The following DAB1 variants were observed in gnomAD, a reference collection of about 807,000 sequenced individuals.
The protein encoded by DAB1 is disabled homolog 1.
In DAB1, 15 loss-of-function variants were observed where a neutral mutation model predicts 64.6. The observed-to-expected ratio is 0.23, with a 90% CI of 0.16 to 0.36. The LOEUF (loss-of-function observed/expected upper bound fraction) is 0.36. Among genes scored for constraint, DAB1 ranks in the 10% least tolerant of loss-of-function variants. The pLI is 1.00. For synonymous variants in DAB1, 235 were observed against 251.9 expected, an observed-to-expected ratio of 0.93 and a Z score of 0.64; for missense variants, 596 against 706.7, an observed-to-expected ratio of 0.84 and a Z score of 1.78.
At chr1:58,368,802 G>T (rs555376995) in intron 3 of DAB1, among the ~76,000 whole-genome samples, 6 of 152,202 alleles carry the variant, frequency 3.9e-5, no homozygotes, top group African/African-American at 1.4e-4. Context: ...CCACACATGG[G>T]ACAAGCAGAA....
At chr1:57,100,889 A>T (rs1159685387) in intron 4 of DAB1, among the ~76,000 whole-genome samples, 1 of 152,204 alleles carries the variant, frequency 6.6e-6, no homozygotes, top group East Asian at 1.9e-4. Context: ...AAGGTAAATC[A>T]TGAATAATAA....
chr1:57,070,687 T>G, intron 7 of DAB1: 1 of 268,976 alleles, frequency 3.7e-6, no homozygotes, highest in Non-Finnish European at 7.1e-6. Flanking sequence ...AGCCACCTCA[T>G]TATTCATATT....
At chr1:58,221,694 C>T (rs934861703) in intron 4 of DAB1, among the ~76,000 whole-genome samples, 6 of 152,240 alleles carry the variant, frequency 3.9e-5, no homozygotes, top group Non-Finnish European at 8.8e-5. Context: ...CCGAAGGTCA[C>T]TGGCATAGTG....
At chr1:56,998,268 T>C (rs1339855039) in intron 14 of DAB1, 140 bp from the exon 15 acceptor site, 1 of 152,660 alleles carries the variant, frequency 6.6e-6, no homozygotes, top group Non-Finnish European at 1.5e-5. Context: ...TTTGGAGTAT[T>C]TGATCAGGGT....
chr1:57,353,112 CAT>C (rs1678727034), intron 1 of DAB1, among the ~76,000 whole-genome samples: 1 of 85,244 alleles, frequency 1.2e-5, no homozygotes, highest in African/African-American at 5.1e-5. Context: ...TATTTTTTTC[CAT>C]ACACACACAC....
chr1:57,559,443 G>A (rs987553689), intron 7 of DAB1, among the ~76,000 whole-genome samples: 9 of 152,244 alleles, frequency 5.9e-5, no homozygotes, highest in South Asian at 2.1e-4. Flanking sequence ...CATCCTTCCC[G>A]AAGGGGACCT....
chr1:58,231,800 G>C (rs2100353010), intron 4 of DAB1, among the ~76,000 whole-genome samples: 1 of 152,328 alleles, frequency 6.6e-6, no homozygotes, highest in South Asian at 2.1e-4. Context: ...GACAGTTGGA[G>C]TATAGTCTCC....
At chr1:57,243,182 T>C (rs1013901654) in intron 2 of DAB1, among the ~76,000 whole-genome samples, 1 of 152,204 alleles carries the variant, frequency 6.6e-6, no homozygotes, top group African/African-American at 2.4e-5. Context: ...TCAGCCATGA[T>C]GGATCAATAC....
chr1:57,225,069 A>C (rs969064212), intron 2 of DAB1, among the ~76,000 whole-genome samples: 2 of 152,144 alleles, frequency 1.3e-5, no homozygotes, highest in Non-Finnish European at 1.5e-5. Flanking sequence ...CACCCACCCA[A>C]GATCTTGCCA....
intron 6 of DAB1, among the ~76,000 whole-genome samples, chr1:57,807,863 A>G (rs1651438455): frequency 6.6e-6 from 1 of 152,002 alleles, no homozygotes; most frequent in Non-Finnish European, 1.5e-5. Flanking sequence ...ATAATAATCC[A>G]TTTCCACTTA....
At chr1:57,295,747 G>A (rs1175514781) in intron 1 of DAB1, among the ~76,000 whole-genome samples, 1 of 152,060 alleles carries the variant, frequency 6.6e-6, no homozygotes, top group African/African-American at 2.4e-5. Context: ...AGGGTAAAAG[G>A]GTTATGGCAG....
chr1:57,661,051 G>T (rs1383763571), intron 6 of DAB1, among the ~76,000 whole-genome samples: 2 of 152,124 alleles, frequency 1.3e-5, no homozygotes, highest in African/African-American at 2.4e-5. Flanking sequence ...GAAAACAATG[G>T]TGCATTTGTA....
intron 4 of DAB1, among the ~76,000 whole-genome samples, chr1:58,300,658 A>G (rs1412885654): frequency 9.9e-6 from 1 of 100,646 alleles, no homozygotes; most frequent in Non-Finnish European, 1.9e-5. Context: ...GGAAGGAAGG[A>G]AGGAAGGAAG....
chr1:57,435,046 C>CTTTTTTTTTTTTTTTTTTTTT (rs71580850), intron 7 of DAB1, among the ~76,000 whole-genome samples: 16 of 93,094 alleles, frequency 1.7e-4, no homozygotes, highest in Admixed American at 2.5e-4. Flanking sequence ...TTCTTTTTTT[C>CTTTTTTTTTTTTTTTTTTTTT]TTTTTTTTTT....
chr1:57,081,035 G>T (rs3768187), intron 4 of DAB1, among the ~76,000 whole-genome samples: 1 of 152,014 alleles, frequency 6.6e-6, no homozygotes, highest in African/African-American at 2.4e-5. Flanking sequence ...TATGGAAGTT[G>T]GGAGCTCCTT....
At position 58,082,973 on chromosome 1, in the gene DAB1, G is replaced by A. The variant is rs1220096668; in HGVS notation, n.387+67538C>T. Reference sequence around the variant, plus strand: ...GCAAAATCCAGTCAAGTGGCTTGGAGGAGAAAATGAATCCACTTCAAGAAA... The same window carrying A: ...GCAAAATCCAGTCAAGTGGCTTGGAAGAGAAAATGAATCCACTTCAAGAAA... On this transcript the variant is annotated intron_variant and non_coding_transcript_variant, in intron 5 of 20. Coordinates refer to the DAB1 transcript ENST00000485760. Among the ~76,000 whole-genome samples, 3 of 152,284 alleles carry A rather than the reference G, an allele frequency of 2.0e-5. No individual in the cohort carries two copies. In the South Asian group the frequency reaches 6.2e-4, roughly 32 times the overall value.
At chr1:57,827,161 G>T (rs910753992) in intron 1 of DAB1, among the ~76,000 whole-genome samples, 1 of 152,124 alleles carries the variant, frequency 6.6e-6, no homozygotes, top group Admixed American at 6.5e-5. Context: ...TCCAGTTTTT[G>T]ATTCCCTTTT....
At chr1:58,174,958 C>T (rs530951666) in intron 4 of DAB1, among the ~76,000 whole-genome samples, 78 of 151,986 alleles carry the variant, frequency 5.1e-4, no homozygotes, top group African/African-American at 1.7e-3. Context: ...GGACTGTAAA[C>T]GCACCAATCA....
At chr1:57,716,068 C>A (rs1481621881) in intron 6 of DAB1, among the ~76,000 whole-genome samples, 1 of 152,140 alleles carries the variant, frequency 6.6e-6, no homozygotes, top group Non-Finnish European at 1.5e-5. Flanking sequence ...TGCCACCACA[C>A]CCAGTTATTT....
Sources: gnomAD v4.1 joint callset for allele counts (sites outside exome capture counted in the v4.1 genomes callset) on GRCh38, gnomAD v4.1.1 for gene constraint, MANE v1.5 for transcripts, NCBI Gene and HGNC (gene_info 2026-07-23, HGNC 2026-07-21) for gene names.